Variants in HMCN1 observed in about 807,000 individuals in gnomAD.
HMCN1 encodes hemicentin 1.
In HMCN1, 321 loss-of-function variants were observed where a neutral mutation model predicts 625.9. The ratio of observed to expected loss-of-function variants is 0.51; its 90% CI spans 0.47 to 0.56. The LOEUF (loss-of-function observed/expected upper bound fraction) is 0.56, where lower values mean the gene tolerates loss of function less well. Ranked by LOEUF, HMCN1 falls within the 20% of genes least tolerant of loss-of-function variation. HMCN1 has a pLI of 0.00. For synonymous variants in HMCN1, 2,425 were observed against 2,417.6 expected (o/e 1.00, Z -0.09); for missense variants, 6,588 against 6,887.3 (o/e 0.96, Z 1.54).
intron 80 of HMCN1, among the ~76,000 whole-genome samples, chr1:186,122,000 T>C (rs775958255): frequency 5.9e-5 from 9 of 152,200 alleles, no homozygotes; most frequent in South Asian, 2.1e-4. Flanking sequence ...AAAGTATTCA[T>C]TGGTTTCAGC....
In HMCN1 at chr1:186,001,345, T is replaced by C; in HGVS notation, c.4117T>C (p.Leu1373=). Residue 1373 remains leucine, a synonymous_variant, in exon 27 of 107, where the codon TTG becomes CTG. Transcript: ENST00000271588. ...AGAACAAGTTACAAATGTGTCGGTG[T>C]TGTTAAATCAGCTGACCAATCTCTT... is the stretch of plus-strand genomic sequence containing the variant. ...DKEQVTNVSV[L]LNQLTNLFCE... 1 of 1,612,054 alleles carries C rather than the reference T, an allele frequency of 6.2e-7. No individual in the cohort carries two copies. Among genetic ancestry groups the C allele is most frequent in the Non-Finnish European group, 8.5e-7 (1 of 1,178,482 alleles).
At chr1:185,966,164 C>G (rs1355360242) in intron 14 of HMCN1, among the ~76,000 whole-genome samples, 1 of 152,040 alleles carries the variant, frequency 6.6e-6, no homozygotes. Flanking sequence ...TGAACATTCT[C>G]TTTGTTAGTT....
In HMCN1 at chr1:186,169,370, G is replaced by T. The variant is rs1652078410; in HGVS notation, c.15575-1967G>T. ...AAATTTTATGTGGAACCAAAAAAGA[G>T]CCCGTATAGCCAAGACAATCCTAAG... is the stretch of plus-strand genomic sequence containing the variant. On this transcript the variant is annotated intron_variant, in intron 100 of 106. Transcript: ENST00000271588. Among the ~76,000 whole-genome samples the T allele has an allele frequency of 4.6e-5, 7 of 152,154 alleles. No homozygotes were observed. The South Asian group carries it at 8.3e-4, about 18-fold the overall frequency.
Position 186,103,580 on chromosome 1 carries a change from C to T in HMCN1, c.10682C>T (p.Thr3561Ile). ...TCTGGAATCCCAGCCCCTAAAATGA[C>T]CTGGATGAAAGATGGCCGGCCCCTT... Reference protein sequence around the residue: ...IASGIPAPKMTWMKDGRPLPQ... With the variant: ...IASGIPAPKMIWMKDGRPLPQ... Residue 3561 changes from threonine (T) to isoleucine (I), a missense_variant, in exon 69 of 107, where the codon ACC (threonine) becomes ATC (isoleucine). By Grantham distance (89) the Thr-to-Ile change is moderately conservative. Coordinates refer to ENST00000271588, the MANE Select transcript of HMCN1 (RefSeq NM_031935.3). 2 of 1,613,846 alleles carry T rather than the reference C, an allele frequency of 1.2e-6. No individual in the cohort carries two copies. The highest frequency in any genetic ancestry group is 2.7e-5 in the African/African-American group (2 of 75,006).
At chr1:185,956,042 A>G (rs1031197426) in intron 11 of HMCN1, among the ~76,000 whole-genome samples, 1 of 152,068 alleles carries the variant, frequency 6.6e-6, no homozygotes, top group African/African-American at 2.4e-5. Context: ...TATTTTTGCC[A>G]CAAAATTTTG....
chr1:185,994,812 T>C lies in HMCN1; in HGVS notation c.3506-3T>C. The C allele has an allele frequency of 1.2e-6, 2 of 1,613,124 alleles. No homozygotes were observed. The highest frequency in any genetic ancestry group is 2.2e-5 in the South Asian group (2 of 91,072). On this transcript the variant is annotated splice_region_variant and splice_polypyrimidine_tract_variant and intron_variant, in intron 23 of 106. Transcript: ENST00000271588. ...ATTATTAATACCCAGTTATTATTTC[T>C]AGTTCCTCCAAAGATACAGCGTGGA... is the stretch of plus-strand genomic sequence containing the variant.
chr1:186,119,527 C>T (rs1310790422), intron 78 of HMCN1, among the ~76,000 whole-genome samples: 2 of 152,114 alleles, frequency 1.3e-5, no homozygotes, highest in Non-Finnish European at 2.9e-5. Flanking sequence ...ATGATCTGTT[C>T]CTGACTCTAG....
chr1:185,889,964 A>G lies in HMCN1; in HGVS notation c.622-19373A>G, dbSNP rs930208991. Among the ~76,000 whole-genome samples the G allele has an allele frequency of 1.5e-4, 23 of 149,616 alleles. 1 individual carries two copies. The highest frequency in any genetic ancestry group is 5.4e-4 in the African/African-American group (21 of 38,946). ...TTTGACACTTTTTGGTTGGTAAGCT[A>G]TTGATTATTGCCACAATTTCAGATC... On this transcript the variant is annotated intron_variant, in intron 4 of 106. Transcript: ENST00000271588.
intron 48 of HMCN1, among the ~76,000 whole-genome samples, 187 bp downstream of exon 48, chr1:186,062,787 A>T (rs1202936911): frequency 6.6e-6 from 1 of 151,704 alleles, no homozygotes; most frequent in Non-Finnish European, 1.5e-5. Context: ...CATTTTACTT[A>T]TTAGGTAATT....
chr1:185,751,827 GGTTCCTTTTCAAATCTGCTTATTTTTT>G (rs1269739033), intron 1 of HMCN1, among the ~76,000 whole-genome samples: 1 of 150,614 alleles, frequency 6.6e-6, no homozygotes, highest in Non-Finnish European at 1.5e-5. Flanking sequence ...AGTTTCATTT[GGTTCCTTTTCAAATCTGCTTATTTTTT>G]GTTTTTTATA....
At chr1:186,167,202 G>A (rs914351811) in intron 100 of HMCN1, among the ~76,000 whole-genome samples, 3 of 152,206 alleles carry the variant, frequency 2.0e-5, no homozygotes, top group Non-Finnish European at 4.4e-5. Context: ...GTATAGCACA[G>A]TGGTTTTGAG....
intron 1 of HMCN1, among the ~76,000 whole-genome samples, chr1:185,801,157 A>T (rs1414774020): frequency 6.6e-6 from 1 of 152,252 alleles, no homozygotes; most frequent in African/African-American, 2.4e-5. Context: ...AAAGAAAAAA[A>T]GTATATAATG....
chr1:185,997,208 T>C (rs1020364015), intron 24 of HMCN1, among the ~76,000 whole-genome samples: 1 of 152,090 alleles, frequency 6.6e-6, no homozygotes, highest in Non-Finnish European at 1.5e-5. Context: ...CAGAACAGGA[T>C]TGTGGGAAGC....
Position 185,784,921 on chromosome 1 carries a change from C to T in HMCN1, c.268+49874C>T, listed in dbSNP as rs562763844. Among the ~76,000 whole-genome samples, 23 of 152,212 alleles carry T rather than the reference C, an allele frequency of 1.5e-4. No homozygotes were observed. The South Asian group carries it at 3.9e-3, about 26-fold the overall frequency. On this transcript the variant is annotated intron_variant, in intron 1 of 106. Coordinates refer to ENST00000271588, the MANE Select transcript of HMCN1 (RefSeq NM_031935.3). ...AGGCAGCCATTGTTCTGATATCTGTCGTGGATACATTTTGCATATAAGTGG... is the reference window on the plus strand; with the variant it reads ...AGGCAGCCATTGTTCTGATATCTGTTGTGGATACATTTTGCATATAAGTGG...
At chr1:185,917,502 C>T (rs976668529) in intron 6 of HMCN1, among the ~76,000 whole-genome samples, 5 of 152,098 alleles carry the variant, frequency 3.3e-5, no homozygotes, top group Admixed American at 6.5e-5. Flanking sequence ...TAAGAGATAA[C>T]GTGTGAACAT....
In HMCN1 at chr1:186,178,853, A is replaced by G. The variant is rs151087495; in HGVS notation, c.16294+87A>G. ...ACAGCACCTGTGATTGTTTGAGTGC[A>G]GTGAACTACATCTGATCTCAAGTTC... On this transcript the variant is annotated intron_variant, in intron 104 of 106. Coordinates refer to ENST00000271588, the MANE Select transcript of HMCN1 (RefSeq NM_031935.3). 2.2e-4 allele frequency: 199 copies of G among 922,998 alleles called. 2 individuals are homozygous for G. The East Asian group carries it at 3.7e-3, about 17-fold the overall frequency. The allele number at this position is 922,998 out of a possible 1,614,324, so 57.2% of individuals were successfully genotyped here. A position where few individuals can be genotyped will look rare whatever the true frequency, so the allele number is the denominator to read the frequency against.
At chr1:185,944,834 T>G (rs1298179395) in intron 11 of HMCN1, among the ~76,000 whole-genome samples, 1 of 152,246 alleles carries the variant, frequency 6.6e-6, no homozygotes, top group Admixed American at 6.5e-5. Flanking sequence ...ATGCAGTGCA[T>G]GTCTGTGGGA....
At position 186,130,061 on chromosome 1, in the gene HMCN1, G is replaced by A. The variant is rs1327271424; in HGVS notation, c.13000G>A (p.Val4334Ile). 18 of 1,613,158 alleles carry A rather than the reference G, an allele frequency of 1.1e-5. No homozygotes were observed. Among genetic ancestry groups the A allele is most frequent in the Admixed American group, 5.0e-5 (3 of 59,916 alleles). Residue 4334 changes from valine (V) to isoleucine (I), a missense_variant, in exon 84 of 107, where the codon GTT becomes ATT. By Grantham distance (29) the Val-to-Ile change is conservative. Coordinates refer to ENST00000271588, the MANE Select transcript of HMCN1 (RefSeq NM_031935.3). ...TTATGTGTGCACCGCAGAGAACAGC[G>A]TTGGCTTTGTGAAGGCAATTGGATT... Reference protein sequence around the residue: ...GTYVCTAENSVGFVKAIGFVY... With the variant: ...GTYVCTAENSIGFVKAIGFVY...
chr1:186,136,904 T>A lies in HMCN1; in HGVS notation c.13549T>A (p.Ser4517Thr). ...FECVARNLMG[S>T]VLVRVPVIVQ... ...ATGTGTTGCTCGAAACTTAATGGGT[T>A]CTGTCCTTGTCAGAGTGCCAGTCAT... is the stretch of plus-strand genomic sequence containing the variant. The change falls in exon 87 of 107, where the codon TCT becomes ACT. Residue 4517 changes from serine to threonine, a missense_variant. Ser to Thr is a moderately conservative substitution (Grantham distance 58). Around this residue, in one of 3 missense-constraint regions of HMCN1, gnomAD observed 1,954 missense variants for 2,013.1 expected, o/e 0.97. Coordinates refer to ENST00000271588, the MANE Select transcript of HMCN1 (RefSeq NM_031935.3). 1 of 1,614,022 alleles carries A rather than the reference T, an allele frequency of 6.2e-7. No homozygotes were observed. Among genetic ancestry groups the A allele is most frequent in the Non-Finnish European group, 8.5e-7 (1 of 1,179,926 alleles).
Sources: gnomAD v4.1 joint callset for allele counts (sites outside exome capture counted in the v4.1 genomes callset) on GRCh38, gnomAD v4.1.1 for gene constraint, gnomAD v4.1.1 regional missense constraint, MANE v1.5 for transcripts, NCBI Gene and HGNC (gene_info 2026-07-23, HGNC 2026-07-21) for gene names.